OR1J2: variants seen among roughly 807,000 people sequenced by gnomAD.
OR1J2 encodes olfactory receptor 1J2.
For missense variants in OR1J2, 304 were observed against 246.1 expected (o/e 1.24, Z -1.57); for synonymous variants, 142 against 99.7 (o/e 1.42, Z -2.52).
At chr9:122,574,084 A>G in the OR1J2 span, among the ~76,000 whole-genome samples, 1 of 152,058 alleles carries the variant, frequency 6.6e-6, no homozygotes, top group South Asian at 2.1e-4. Flanking sequence ...CTATTTGCCT[A>G]TTCTTTTGCC....
At chr9:122,534,517 A>G in the OR1J2 span, among the ~76,000 whole-genome samples, 1 of 152,218 alleles carries the variant, frequency 6.6e-6, no homozygotes, top group East Asian at 1.9e-4. Context: ...CACCTTTTTA[A>G]GAGGATATTG....
At chr9:122,505,161 A>T in the OR1J2 span, among the ~76,000 whole-genome samples, 1 of 152,154 alleles carries the variant, frequency 6.6e-6, no homozygotes, top group African/African-American at 2.4e-5. Flanking sequence ...TCAGTCTGTT[A>T]TCTGTTGTTA....
chr9:122,566,922 A>G, the OR1J2 span, among the ~76,000 whole-genome samples: 1 of 152,148 alleles, frequency 6.6e-6, no homozygotes, highest in African/African-American at 2.4e-5. Flanking sequence ...CTTTCTGACC[A>G]TTAGCATTTT....
At chr9:122,513,702 C>T (rs184642422), downstream of OR1J2, among the ~76,000 whole-genome samples, 143 of 152,092 alleles carry the variant, frequency 9.4e-4, no homozygotes, top group African/African-American at 3.0e-3. Context: ...TGCTCCCCAC[C>T]CCCCGACAGG....
chr9:122,510,598 T>C (rs377568885), upstream of OR1J2, among the ~76,000 whole-genome samples: 185 of 152,202 alleles, frequency 1.2e-3, 1 homozygote, highest in African/African-American at 4.1e-3. Flanking sequence ...CATCCCATCG[T>C]CTAGGCATTA....
the OR1J2 span, among the ~76,000 whole-genome samples, chr9:122,518,848 G>A: frequency 0.016 from 2,473 of 152,280 alleles, 60 homozygotes; most frequent in African/African-American, 0.056. Flanking sequence ...TTGGAAAGAC[G>A]TTATCTTACG....
the OR1J2 span, among the ~76,000 whole-genome samples, chr9:122,503,602 T>C: frequency 6.6e-6 from 1 of 152,212 alleles, no homozygotes; most frequent in Admixed American, 6.5e-5. Context: ...AAGTGGATGC[T>C]CTCTGGTAGG....
the OR1J2 span, among the ~76,000 whole-genome samples, chr9:122,480,284 G>A: frequency 6.6e-6 from 1 of 152,124 alleles, no homozygotes; most frequent in Non-Finnish European, 1.5e-5. Context: ...ATTGACAAAA[G>A]TGCATTATAA....
chr9:122,506,425 T>A (rs1348097003), upstream of OR1J2, among the ~76,000 whole-genome samples: 1 of 152,180 alleles, frequency 6.6e-6, no homozygotes, highest in African/African-American at 2.4e-5. Flanking sequence ...GTTTTCTCCT[T>A]AGTTAAGCTC....
At chr9:122,519,742 C>A in the OR1J2 span, 1 of 1,614,054 alleles carries the variant, frequency 6.2e-7, no homozygotes, top group Non-Finnish European at 8.5e-7. Context: ...GTCATTTTCA[C>A]AGTGGGACAG....
the OR1J2 span, among the ~76,000 whole-genome samples, chr9:122,570,513 T>C: frequency 6.6e-6 from 1 of 152,242 alleles, no homozygotes; most frequent in African/African-American, 2.4e-5. Flanking sequence ...CTCAGGTTTT[T>C]CATGTATAAA....
the OR1J2 span, among the ~76,000 whole-genome samples, chr9:122,532,407 A>C: frequency 6.6e-6 from 1 of 152,084 alleles, no homozygotes; most frequent in Non-Finnish European, 1.5e-5. Flanking sequence ...AAGTGTGATC[A>C]GGGTGAGAAA....
the OR1J2 span, chr9:122,527,199 A>G: frequency 1.9e-6 from 3 of 1,614,034 alleles, no homozygotes; most frequent in African/African-American, 1.3e-5. Context: ...GACAAGATAC[A>G]TACACAGGAA....
chr9:122,499,608 C>G, the OR1J2 span, among the ~76,000 whole-genome samples: 1 of 152,144 alleles, frequency 6.6e-6, no homozygotes, highest in Admixed American at 6.5e-5. Context: ...AGTGGGGTCT[C>G]CCTGCACCAG....
the OR1J2 span, chr9:122,519,808 T>A: frequency 1.1e-5 from 17 of 1,614,064 alleles, no homozygotes; most frequent in Non-Finnish European, 1.4e-5. Flanking sequence ...CACATTGGGG[T>A]CACCATCCTC....
the OR1J2 span, among the ~76,000 whole-genome samples, chr9:122,556,506 G>A: frequency 6.6e-6 from 1 of 151,910 alleles, no homozygotes. Flanking sequence ...AGTGTCCACC[G>A]GGGCCTGTTG....
chr9:122,499,037 T>C, the OR1J2 span, among the ~76,000 whole-genome samples: 1 of 152,242 alleles, frequency 6.6e-6, no homozygotes, highest in Non-Finnish European at 1.5e-5. Context: ...ACTTAATCCT[T>C]GTTTACTGGC....
the OR1J2 span, among the ~76,000 whole-genome samples, chr9:122,486,041 A>C: frequency 2.6e-5 from 4 of 151,060 alleles, no homozygotes; most frequent in African/African-American, 9.7e-5. Context: ...ACTCACTGCA[A>C]CCTCTGCCTC....
At chr9:122,509,365 G>A (rs1828589744), upstream of OR1J2, among the ~76,000 whole-genome samples, 1 of 152,146 alleles carries the variant, frequency 6.6e-6, no homozygotes, top group Non-Finnish European at 1.5e-5. Context: ...AGCCTTCACA[G>A]TTTGTTATGG....
Sources: gnomAD v4.1 joint callset for allele counts (sites outside exome capture counted in the v4.1 genomes callset) on GRCh38, gnomAD v4.1.1 for gene constraint, MANE v1.5 for transcripts, NCBI Gene and HGNC (gene_info 2026-07-23, HGNC 2026-07-21) for gene names.